Variants in CHRM4 observed in about 807,000 individuals in gnomAD.
CHRM4 encodes cholinergic receptor muscarinic 4.
A neutral mutation model predicts 26.3 loss-of-function variants in CHRM4; 5 were observed. That is an observed-to-expected ratio of 0.19 (90% CI 0.10 to 0.40). CHRM4 has a LOEUF of 0.40. CHRM4 is among the 10% of genes least tolerant of loss of function. The pLI is 1.00. For synonymous variants in CHRM4, 290 were observed against 285.3 expected, an observed-to-expected ratio of 1.02 and a Z score of -0.16; for missense variants, 402 against 664.5, an observed-to-expected ratio of 0.60 and a Z score of 4.34.
rs1291254429 is a variant in CHRM4, at chr11:46,385,090, C to T, written c.*28G>A. On this transcript the variant is annotated 3_prime_UTR_variant, in exon 2 of 2. Coordinates refer to ENST00000682254, the MANE Select transcript of CHRM4 (RefSeq NM_000741.5). This position sits in a 1 kb window ranked among gnomAD's most constrained non-coding sequence, Gnocchi z 6.3. ...TCCCCCCAGCACACGCACGCAACAC[C>T]AGCACCTCCTAGGGCACTCCTGCCT... 6.4e-7 allele frequency: 1 copy of T among 1,562,492 alleles called. No homozygotes were observed. The highest frequency in any genetic ancestry group is 2.3e-5 in the East Asian group (1 of 43,000).
rs1945324627 is a variant in CHRM4, at chr11:46,385,412, G to A, written c.1146C>T (p.Arg382=). The change falls in exon 2 of 2, where the codon CGC becomes CGT. Residue 382 remains arginine, a synonymous_variant. Transcript: ENST00000682254. The surrounding 1 kb of genome is among the most constrained non-coding windows in gnomAD (Gnocchi z 6.3). ...NVARKFASIA[R]NQVRKKRQMA... ...TCTGCCGCTTCTTGCGCACCTGGTT[G>A]CGAGCGATGCTGGCGAACTTGCGGG... 6 of 1,609,992 alleles carry A rather than the reference G, an allele frequency of 3.7e-6. No individual in the cohort carries two copies. Among genetic ancestry groups the A allele is most frequent in the Non-Finnish European group, 5.1e-6 (6 of 1,176,724 alleles).
Position 46,385,049 on chromosome 11 carries a change from C to T in CHRM4, c.*69G>A, listed in dbSNP as rs979520609. On this transcript the variant is annotated 3_prime_UTR_variant, in exon 2 of 2. Transcript: ENST00000682254. The surrounding 1 kb of genome is among the most constrained non-coding windows in gnomAD (Gnocchi z 6.3). ...TGGTGCCTGCAACTCTTCCCCACAGCAAGTGAGCCGTGTGGTCCCCCCAGC... is the reference window on the plus strand; with the variant it reads ...TGGTGCCTGCAACTCTTCCCCACAGTAAGTGAGCCGTGTGGTCCCCCCAGC... 1 of 1,485,680 alleles carries T rather than the reference C, an allele frequency of 6.7e-7. No homozygotes were observed. The highest frequency in any genetic ancestry group is 9.0e-7 in the Non-Finnish European group (1 of 1,110,752). The allele number at this position is 1,485,680 out of a possible 1,614,324, so 92.0% of individuals were successfully genotyped here.
chr11:46,386,516 C>G lies in CHRM4; in HGVS notation c.42G>C (p.Gln14His). ...FTPVNGSSGN[Q>H]SVRLVTSSSH... is the part of the protein sequence containing the mutation. Reference sequence around the variant, plus strand: ...ATGATGACGTGACCAGGCGCACGGACTGATTGCCCGAGCTGCCATTGACAG... The same window carrying G: ...ATGATGACGTGACCAGGCGCACGGAGTGATTGCCCGAGCTGCCATTGACAG... The change falls in exon 2 of 2, where the codon CAG (glutamine) becomes CAC (histidine). Residue 14 changes from glutamine to histidine, a missense_variant. Physicochemically the swap from Gln to His is conservative, Grantham distance 24 (BLOSUM62 0). This residue lies in a region of CHRM4 where 92 missense variants were observed against 133.1 expected (regional missense o/e 0.69). Coordinates refer to ENST00000682254, the MANE Select transcript of CHRM4 (RefSeq NM_000741.5). This position sits in a 1 kb window ranked among gnomAD's most constrained non-coding sequence, Gnocchi z 5.8. The G allele has an allele frequency of 6.2e-7, 1 of 1,612,852 alleles. No individual in the cohort carries two copies. Among genetic ancestry groups the G allele is most frequent in the South Asian group, 1.1e-5 (1 of 91,078 alleles).
In CHRM4 at chr11:46,385,971, G is replaced by A; in HGVS notation, c.587C>T (p.Thr196Ile). ...GAAGGCAGCAATGGCTGTGCCAAAG[G>A]TCACTGCTGGGTTGGACAGGAACTG... ...FIQFLSNPAV[T>I]FGTAIAAFYL... The change falls in exon 2 of 2, where the codon ACC (threonine) becomes ATC (isoleucine). Residue 196 changes from threonine (T) to isoleucine (I), a missense_variant. Around this residue, in one of 5 missense-constraint regions of CHRM4, gnomAD observed 48 missense variants for 129.1 expected, o/e 0.37. Coordinates refer to ENST00000682254, the MANE Select transcript of CHRM4 (RefSeq NM_000741.5). This position sits in a 1 kb window ranked among gnomAD's most constrained non-coding sequence, Gnocchi z 6.3. 1 of 1,612,940 alleles carries A rather than the reference G, an allele frequency of 6.2e-7. No homozygotes were observed. Among genetic ancestry groups the A allele is most frequent in the Non-Finnish European group, 8.5e-7 (1 of 1,179,732 alleles).
Position 46,385,017 on chromosome 11 carries a change from C to T in CHRM4, c.*101G>A, listed in dbSNP as rs1423058208. 83 of 1,443,572 alleles carry T rather than the reference C, an allele frequency of 5.7e-5. 1 individual carries two copies. In the Admixed American group the frequency reaches 1.7e-3, roughly 30 times the overall value. The allele number at this position is 1,443,572 out of a possible 1,614,324, so 89.4% of individuals were successfully genotyped here. On this transcript the variant is annotated 3_prime_UTR_variant, in exon 2 of 2. Coordinates refer to ENST00000682254, the MANE Select transcript of CHRM4 (RefSeq NM_000741.5). This position sits in a 1 kb window ranked among gnomAD's most constrained non-coding sequence, Gnocchi z 6.3. The stretch of plus-strand genomic sequence containing the variant: ...GAACTTCCTCCTCAGCAAACGTGAA[C>T]GCAGAATGGTGCCTGCAACTCTTCC...
At chr11:46,388,454 C>T (rs1945362959) in intron 1 of CHRM4, among the ~76,000 whole-genome samples, 1 of 152,234 alleles carries the variant, frequency 6.6e-6, no homozygotes, top group South Asian at 2.1e-4. Context: ...CAGGCTGGGG[C>T]CAAGGGCCAG....
Position 46,386,081 on chromosome 11 carries a change from C to G in CHRM4, c.477G>C (p.Leu159=), listed in dbSNP as rs750291495. 3.1e-6 allele frequency: 5 copies of G among 1,613,224 alleles called. No individual in the cohort carries two copies. Among genetic ancestry groups the G allele is most frequent in the East Asian group, 4.5e-5 (2 of 44,864 alleles). ...AGLMIAAAWV[L]SFVLWAPAIL... is the part of the protein sequence containing the mutation. ...TGGCAGGCGCCCAGAGCACGAAGGA[C>G]AGTACCCAGGCAGCAGCAATCATGA... The change falls in exon 2 of 2, where the codon CTG becomes CTC. Residue 159 remains leucine (L), a synonymous_variant. Coordinates refer to ENST00000682254, the MANE Select transcript of CHRM4 (RefSeq NM_000741.5). The surrounding 1 kb of genome is among the most constrained non-coding windows in gnomAD (Gnocchi z 5.8).
chr11:46,384,368 A>G lies in CHRM4; in HGVS notation c.*750T>C, dbSNP rs1269449536. ...TGCCATCCACCACAGCCTCACCCTG[A>G]CTCGATGTGTGACCTGGGACAGCCT... is the stretch of plus-strand genomic sequence containing the variant. On this transcript the variant is annotated 3_prime_UTR_variant, in exon 2 of 2. Transcript: ENST00000682254. 1.3e-5 allele frequency among the ~76,000 whole-genome samples: 2 copies of G among 152,122 alleles called. No individual in the cohort carries two copies. The highest frequency in any genetic ancestry group is 4.8e-5 in the African/African-American group (2 of 41,400).
In CHRM4 at chr11:46,386,559, T is replaced by C; in HGVS notation, c.-2A>G. On this transcript the variant is annotated 5_prime_UTR_variant, in exon 2 of 2. Transcript: ENST00000682254. This position sits in a 1 kb window ranked among gnomAD's most constrained non-coding sequence, Gnocchi z 5.8. ...ATTGACAGGTGTGAAGTTGGCCATGTTGGTTGCCAGGGGTGGGTAGGCCGT... is the reference window on the plus strand; with the variant it reads ...ATTGACAGGTGTGAAGTTGGCCATGCTGGTTGCCAGGGGTGGGTAGGCCGT... 6.2e-7 allele frequency: 1 copy of C among 1,607,246 alleles called. No individual in the cohort carries two copies. The highest frequency in any genetic ancestry group is 8.5e-7 in the Non-Finnish European group (1 of 1,174,864).
intron 1 of CHRM4, among the ~76,000 whole-genome samples, chr11:46,387,708 G>A (rs1318718956): frequency 1.3e-5 from 2 of 152,184 alleles, no homozygotes; most frequent in South Asian, 2.1e-4. Flanking sequence ...CATGGAGCTG[G>A]GCACCCCAGA....
At position 46,386,702 on chromosome 11, in the gene CHRM4, A is replaced by G; in HGVS notation, c.-29-116T>C. Reference sequence around the variant, plus strand: ...ATTCTCTGGCAGAATGCCTTGAGAGAACTCTGTCCCGCCATCCCGCATTTG... The same window carrying G: ...ATTCTCTGGCAGAATGCCTTGAGAGGACTCTGTCCCGCCATCCCGCATTTG... On this transcript the variant is annotated intron_variant, in intron 1 of 1. Transcript: ENST00000682254. This position sits in a 1 kb window ranked among gnomAD's most constrained non-coding sequence, Gnocchi z 5.8. 9.7e-7 allele frequency: 1 copy of G among 1,035,282 alleles called. No individual in the cohort carries two copies. The highest frequency in any genetic ancestry group is 1.4e-6 in the Non-Finnish European group (1 of 720,332). 64.1% of individuals were successfully genotyped at this position (1,035,282 alleles called of 1,614,324 possible).
rs569447371 is a variant in CHRM4, at chr11:46,386,512, C to T, written c.46G>A (p.Val16Met). 3.3e-5 allele frequency: 53 copies of T among 1,613,114 alleles called. No individual in the cohort carries two copies. In the Admixed American group the frequency reaches 3.5e-4, roughly 11 times the overall value. Reference protein sequence around the residue: ...PVNGSSGNQSVRLVTSSSHNR... With the variant: ...PVNGSSGNQSMRLVTSSSHNR... Reference sequence around the variant, plus strand: ...TGGGATGATGACGTGACCAGGCGCACGGACTGATTGCCCGAGCTGCCATTG... The same window carrying T: ...TGGGATGATGACGTGACCAGGCGCATGGACTGATTGCCCGAGCTGCCATTG... Residue 16 changes from valine to methionine, a missense_variant, in exon 2 of 2, where the codon GTG becomes ATG. Physicochemically the swap from Val to Met is conservative, Grantham distance 21. Around this residue, in one of 5 missense-constraint regions of CHRM4, gnomAD observed 92 missense variants for 133.1 expected, o/e 0.69. Coordinates refer to ENST00000682254, the MANE Select transcript of CHRM4 (RefSeq NM_000741.5). This position sits in a 1 kb window ranked among gnomAD's most constrained non-coding sequence, Gnocchi z 5.8.
rs1945320113 is a variant in CHRM4, at chr11:46,385,071, C to T, written c.*47G>A. The T allele has an allele frequency of 6.6e-7, 1 of 1,523,824 alleles. No homozygotes were observed. The highest frequency in any genetic ancestry group is 2.0e-5 in the Admixed American group (1 of 50,734). The allele number at this position is 1,523,824 out of a possible 1,614,324, so 94.4% of individuals were successfully genotyped here. A position where few individuals can be genotyped will look rare whatever the true frequency, so the allele number is the denominator to read the frequency against. On this transcript the variant is annotated 3_prime_UTR_variant, in exon 2 of 2. Transcript: ENST00000682254. The surrounding 1 kb of genome is among the most constrained non-coding windows in gnomAD (Gnocchi z 6.3). ...CAGCAAGTGAGCCGTGTGGTCCCCC[C>T]AGCACACGCACGCAACACCAGCACC...
chr11:46,386,269 A>T lies in CHRM4; in HGVS notation c.289T>A (p.Tyr97Asn). The T allele has an allele frequency of 2.5e-6, 4 of 1,613,918 alleles. No individual in the cohort carries two copies. Among genetic ancestry groups the T allele is most frequent in the Non-Finnish European group, 3.4e-6 (4 of 1,179,880 alleles). ...CAGACCACGGCGCCCAGGGGCCAGT[A>T]GCCCTTGATGATGTACACGGTGTAG... ...NLYTVYIIKG[Y>N]WPLGAVVCDL... The change falls in exon 2 of 2, where the codon TAC (tyrosine) becomes AAC (asparagine). Residue 97 changes from tyrosine (Y) to asparagine (N), a missense_variant. Physicochemically the swap from Tyr to Asn is moderately radical, Grantham distance 143 (BLOSUM62 -2). This residue lies in a region of CHRM4 where 92 missense variants were observed against 133.1 expected (regional missense o/e 0.69). Transcript: ENST00000682254. The surrounding 1 kb of genome is among the most constrained non-coding windows in gnomAD (Gnocchi z 5.8).
At chr11:46,387,834 G>A (rs1036976550) in intron 1 of CHRM4, among the ~76,000 whole-genome samples, 1 of 152,222 alleles carries the variant, frequency 6.6e-6, no homozygotes, top group Non-Finnish European at 1.5e-5. Context: ...GGCAGTGCAG[G>A]GGTCACTAGG....
At chr11:46,388,238 G>A (rs1486277588) in intron 1 of CHRM4, among the ~76,000 whole-genome samples, 1 of 152,258 alleles carries the variant, frequency 6.6e-6, no homozygotes, top group African/African-American at 2.4e-5. Context: ...GAGAGGAAGA[G>A]AGGGCGCGGC....
Position 46,383,793 on chromosome 11 carries a change from TC to T in CHRM4, c.*1324del, listed in dbSNP as rs988685658. ...AAACACATCAAATAAACTGACTTTT[TC>T]CCCCCAATAAAAGCTCTTCTTTTTT... On this transcript the variant is annotated 3_prime_UTR_variant, in exon 2 of 2. Transcript: ENST00000682254. The T allele has an allele frequency of 1.7e-5, 8 of 481,240 alleles. No individual in the cohort carries two copies. Among genetic ancestry groups the T allele is most frequent in the South Asian group, 4.0e-5 (2 of 50,050 alleles). The allele number at this position is 481,240 out of a possible 1,614,324, so 29.8% of individuals were successfully genotyped here.
Position 46,386,591 on chromosome 11 carries a change from G to A in CHRM4, c.-29-5C>T. 1 of 1,595,864 alleles carries A rather than the reference G, an allele frequency of 6.3e-7. No homozygotes were observed. The highest frequency in any genetic ancestry group is 2.2e-5 in the East Asian group (1 of 44,572). On this transcript the variant is annotated splice_region_variant and splice_polypyrimidine_tract_variant and intron_variant, in intron 1 of 1. Transcript: ENST00000682254. The surrounding 1 kb of genome is among the most constrained non-coding windows in gnomAD (Gnocchi z 5.8). ...CCAGGGGTGGGTAGGCCGTGTCTGG[G>A]GAGGAAGGGGAGAGAAAAGCATGAA...
At position 46,385,111 on chromosome 11, in the gene CHRM4, T is replaced by C. The variant is rs1387758525; in HGVS notation, c.*7A>G. The C allele has an allele frequency of 1.2e-6, 2 of 1,600,200 alleles. No homozygotes were observed. Among genetic ancestry groups the C allele is most frequent in the Non-Finnish European group, 1.7e-6 (2 of 1,170,082 alleles). On this transcript the variant is annotated 3_prime_UTR_variant, in exon 2 of 2. Coordinates refer to ENST00000682254, the MANE Select transcript of CHRM4 (RefSeq NM_000741.5). The surrounding 1 kb of genome is among the most constrained non-coding windows in gnomAD (Gnocchi z 6.3). ...ACACCAGCACCTCCTAGGGCACTCC[T>C]GCCTGCCTACCTGGCAGTGCCGATG...
Sources: gnomAD v4.1 joint callset for allele counts (sites outside exome capture counted in the v4.1 genomes callset) on GRCh38, gnomAD v4.1.1 for gene constraint, gnomAD v4.1.1 regional missense constraint, Gnocchi (gnomAD v3.1) non-coding constraint, MANE v1.5 for transcripts, NCBI Gene and HGNC (gene_info 2026-07-23, HGNC 2026-07-21) for gene names.